Variants in SCN9A observed in about 807,000 individuals in gnomAD.
SCN9A encodes sodium channel protein type 9 subunit alpha.
SCN9A carries 131 observed loss-of-function variants against 187.0 expected under a neutral mutation model. The observed-to-expected ratio is 0.70, with a 90% CI of 0.61 to 0.81. The LOEUF (loss-of-function observed/expected upper bound fraction) is 0.81, where lower values mean the gene tolerates loss of function less well. Ranked by LOEUF, SCN9A falls within the 30% of genes least tolerant of loss-of-function variation. The pLI is 0.00. For missense variants in SCN9A, 2,252 were observed against 2,396.6 expected (o/e 0.94, Z 1.26); for synonymous variants, 809 against 808.6 (o/e 1.00, Z -0.01).
At chr2:166,207,428 TTTGTTGTTGTTG>T (rs61122536) in intron 24 of SCN9A, among the ~76,000 whole-genome samples, 3 of 150,058 alleles carry the variant, frequency 2.0e-5, no homozygotes, top group African/African-American at 4.9e-5. Flanking sequence ...TTAGAGTGTT[TTTGTTGTTGTTG>T]TTGTTGTTGT....
intron 1 of SCN9A, among the ~76,000 whole-genome samples, chr2:166,370,821 A>T (rs1246942815): frequency 1.3e-5 from 2 of 150,094 alleles, no homozygotes; most frequent in East Asian, 3.9e-4. Flanking sequence ...AGAAGAAGGA[A>T]AAAAAAAAAG....
At chr2:166,363,526 G>T (rs1338751086) in intron 1 of SCN9A, among the ~76,000 whole-genome samples, 1 of 151,830 alleles carries the variant, frequency 6.6e-6, no homozygotes, top group South Asian at 2.1e-4. Flanking sequence ...TTTAATACTG[G>T]TATAAAAGAA....
chr2:166,314,857 T>G (rs753849639), intron 1 of SCN9A, among the ~76,000 whole-genome samples: 1 of 152,170 alleles, frequency 6.6e-6, no homozygotes, highest in Non-Finnish European at 1.5e-5. Flanking sequence ...GGGCTTCTTT[T>G]GGGGTGATAA....
intron 1 of SCN9A, among the ~76,000 whole-genome samples, chr2:166,342,291 T>C (rs1699805264): frequency 1.3e-5 from 2 of 152,210 alleles, no homozygotes; most frequent in Admixed American, 1.3e-4. Flanking sequence ...ATAGAACCAA[T>C]CTAGTCAATG....
chr2:166,368,686 T>TAAAAAAAAAA, intron 1 of SCN9A, among the ~76,000 whole-genome samples: 1 of 134,588 alleles, frequency 7.4e-6, no homozygotes, highest in African/African-American at 2.8e-5. Context: ...GAAACTTAAT[T>TAAAAAAAAAA]AAAAAAAAAA....
intron 18 of SCN9A, among the ~76,000 whole-genome samples, chr2:166,243,904 T>C (rs115709759): frequency 0.012 from 1,838 of 152,116 alleles, 34 homozygotes; most frequent in African/African-American, 0.04. Context: ...AGAAAACCAT[T>C]TGGATTCTGG....
At chr2:166,208,171 G>T (rs1383184755) in intron 24 of SCN9A, among the ~76,000 whole-genome samples, 1 of 152,110 alleles carries the variant, frequency 6.6e-6, no homozygotes, top group Non-Finnish European at 1.5e-5. Context: ...CTGTAAGTCA[G>T]GCTAGTTTTT....
At chr2:166,269,985 T>C (rs1027477578) in intron 17 of SCN9A, among the ~76,000 whole-genome samples, 4 of 152,066 alleles carry the variant, frequency 2.6e-5, no homozygotes, top group Non-Finnish European at 5.9e-5. Flanking sequence ...TTAGTTTCCC[T>C]TTCCATATGA....
chr2:166,273,012 G>A (rs533372290), intron 16 of SCN9A, 137 bp from the exon 17 acceptor site: 9 of 451,038 alleles, frequency 2.0e-5, no homozygotes, highest in East Asian at 3.2e-5. Flanking sequence ...TTTCACACAC[G>A]GATAAGACCA....
chr2:166,339,212 C>G (rs1438677482), intron 1 of SCN9A, among the ~76,000 whole-genome samples: 1 of 152,072 alleles, frequency 6.6e-6, no homozygotes, highest in Non-Finnish European at 1.5e-5. Context: ...CTTTGTTGGT[C>G]TGTTTAAGCC....
In SCN9A at chr2:166,204,030, T is replaced by C. The variant is rs1558944954; in HGVS notation, c.4699A>G (p.Ile1567Val). 4 of 1,608,250 alleles carry C rather than the reference T, an allele frequency of 2.5e-6. No homozygotes were observed. Among genetic ancestry groups the C allele is most frequent in the South Asian group, 2.2e-5 (2 of 90,936 alleles). Reference protein sequence around the residue: ...LFTGECVLKLISLRHYYFTVG... With the variant: ...LFTGECVLKLVSLRHYYFTVG... Reference sequence around the variant, plus strand: ...GTGAAGTAGTAGTGTCTGAGGGAGATCAGTTTTAGCACACATTCTCCAGTG... The same window carrying C: ...GTGAAGTAGTAGTGTCTGAGGGAGACCAGTTTTAGCACACATTCTCCAGTG... Residue 1567 changes from isoleucine to valine, a missense_variant, in exon 26 of 27, where the codon ATC (isoleucine) becomes GTC (valine). Physicochemically the swap from Ile to Val is conservative, Grantham distance 29. Around this residue, in one of 7 missense-constraint regions of SCN9A, gnomAD observed 368 missense variants for 408.6 expected, o/e 0.90. Transcript: ENST00000642356.
At chr2:166,266,268 A>G (rs1050404322) in intron 17 of SCN9A, among the ~76,000 whole-genome samples, 1 of 151,888 alleles carries the variant, frequency 6.6e-6, no homozygotes, top group African/African-American at 2.4e-5. Context: ...GTCTAATTTC[A>G]TTCTTTTGCA....
chr2:166,263,387 G>A (rs1239982559), intron 17 of SCN9A, among the ~76,000 whole-genome samples: 1 of 151,900 alleles, frequency 6.6e-6, no homozygotes, highest in Non-Finnish European at 1.5e-5. Context: ...ATTAATGAAA[G>A]TTAGCATACA....
intron 1 of SCN9A, among the ~76,000 whole-genome samples, chr2:166,352,158 G>A (rs1346471277): frequency 6.6e-6 from 1 of 152,092 alleles, no homozygotes; most frequent in Non-Finnish European, 1.5e-5. Context: ...CTATTATAAT[G>A]TGAATGACAG....
chr2:166,324,325 G>A (rs1016659240), intron 1 of SCN9A, among the ~76,000 whole-genome samples: 2 of 151,544 alleles, frequency 1.3e-5, no homozygotes, highest in African/African-American at 4.9e-5. Flanking sequence ...ATTTAAAATT[G>A]GTCCAATTAA....
intron 1 of SCN9A, among the ~76,000 whole-genome samples, chr2:166,371,294 A>G (rs564714000): frequency 2.0e-5 from 3 of 152,370 alleles, no homozygotes; most frequent in South Asian, 4.1e-4. Flanking sequence ...ACATATGTCA[A>G]TTCAAACTTG....
At chr2:166,288,168 C>T (rs1020838948) in intron 10 of SCN9A, among the ~76,000 whole-genome samples, 10 of 149,340 alleles carry the variant, frequency 6.7e-5, no homozygotes, top group Admixed American at 2.0e-4. Context: ...GACATACACA[C>T]ACACACACTA....
Position 166,277,174 on chromosome 2 carries a change from A to C in SCN9A, c.2683T>G (p.Cys895Gly). 1.2e-6 allele frequency: 2 copies of C among 1,614,050 alleles called. No homozygotes were observed. The highest frequency in any genetic ancestry group is 8.5e-7 in the Non-Finnish European group (1 of 1,179,982). The part of the protein sequence containing the change: ...MQLFGKSYKE[C>G]VCKINDDCTL... ...CAGTCATCATTGATCTTGCAGACAC[A>C]TTCTTTGTAGCTCTTACCAAAGAGC... The change falls in exon 16 of 27, where the codon TGT becomes GGT. Residue 895 changes from cysteine (C) to glycine (G), a missense_variant. Coordinates refer to ENST00000642356, the MANE Select transcript of SCN9A (RefSeq NM_001365536.1).
chr2:166,251,454 T>A (rs548215605), intron 18 of SCN9A, among the ~76,000 whole-genome samples: 2 of 152,190 alleles, frequency 1.3e-5, no homozygotes, highest in African/African-American at 4.8e-5. Flanking sequence ...ACAGACTCTT[T>A]CATTAACTTG....
Sources: allele counts gnomAD v4.1 joint callset (sites outside exome capture counted in the v4.1 genomes callset), GRCh38; gene constraint gnomAD v4.1.1; regional missense constraint gnomAD v4.1.1; transcripts MANE v1.5; gene names NCBI Gene and HGNC (gene_info 2026-07-23, HGNC 2026-07-21).